The following RAPSN variants were observed in gnomAD, a reference collection of about 807,000 sequenced individuals.
The protein encoded by RAPSN is receptor associated protein of the synapse, also known as 43 kDa receptor-associated protein of the synapse.
A neutral mutation model predicts 45.7 loss-of-function variants in RAPSN; 33 were observed. The observed-to-expected ratio is 0.72, with a 90% CI of 0.55 to 0.97. The LOEUF is 0.97. RAPSN is among the 50% of genes least tolerant of loss of function. The pLI is 0.00. For missense variants in RAPSN, 519 were observed against 559.4 expected, an observed-to-expected ratio of 0.93 and a Z score of 0.73; for synonymous variants, 244 against 233.6, an observed-to-expected ratio of 1.04 and a Z score of -0.40.
At chr11:47,438,600 G>T in intron 7 of RAPSN, 132 bp downstream of exon 7, 1 of 1,121,500 alleles carries the variant, frequency 8.9e-7, no homozygotes, top group Admixed American at 2.3e-5. Context: ...TTGCGAGACA[G>T]ACGTGAGGCA....
At chr11:47,438,540 C>T in intron 7 of RAPSN, 192 bp downstream of exon 7, 1 of 641,278 alleles carries the variant, frequency 1.6e-6, no homozygotes, top group Non-Finnish European at 2.7e-6. Context: ...CCAAGATGAT[C>T]TTGAACCCCG....
intron 6 of RAPSN, among the ~76,000 whole-genome samples, chr11:47,440,957 C>T (rs1555142498): frequency 6.6e-6 from 1 of 152,154 alleles, no homozygotes; most frequent in Non-Finnish European, 1.5e-5. Flanking sequence ...CTGCTATCCT[C>T]CAAGCTATGA....
intron 2 of RAPSN, among the ~76,000 whole-genome samples, chr11:47,445,412 T>G (rs956453883): frequency 3.3e-5 from 5 of 151,108 alleles, no homozygotes; most frequent in African/African-American, 1.2e-4. Flanking sequence ...CTGGCCAACA[T>G]GGTGAAACCC....
intron 6 of RAPSN, 23 bp from the exon 7 acceptor site, chr11:47,438,954 G>A (rs2076339061): frequency 6.5e-7 from 1 of 1,549,946 alleles, no homozygotes. Context: ...GGAGTGGAGA[G>A]CGCCAGTGGG....
Position 47,447,937 on chromosome 11 carries a change from G to A in RAPSN, c.406C>T (p.Leu136Phe). The A allele has an allele frequency of 6.2e-7, 1 of 1,613,620 alleles. No individual in the cohort carries two copies. Among genetic ancestry groups the A allele is most frequent in the Non-Finnish European group, 8.5e-7 (1 of 1,179,930 alleles). The change falls in exon 2 of 8, where the codon CTC (leucine) becomes TTC (phenylalanine). Residue 136 changes from leucine to phenylalanine, a missense_variant. By Grantham distance (22) the Leu-to-Phe change is conservative (BLOSUM62 0). Coordinates refer to ENST00000298854, the MANE Select transcript of RAPSN (RefSeq NM_005055.5). The part of the protein sequence containing the change: ...SLSMGNAFLG[L>F]SVFQKALESF... ...TCCAGGGCCTTCTGGAAGACGCTGA[G>A]GCCCAGGAAGGCATTGCCCATGCTC...
chr11:47,442,070 T>A, intron 3 of RAPSN, 149 bp from the exon 4 acceptor site: 1 of 844,210 alleles, frequency 1.2e-6, no homozygotes, highest in Non-Finnish European at 1.9e-6. Flanking sequence ...GCTCACACAC[T>A]GAACCACTGA....
rs756980482 is a variant in RAPSN at position 47,441,599 on chromosome 11, G to A, written c.912+12C>T. 1 of 1,603,746 alleles carries A rather than the reference G, an allele frequency of 6.2e-7. No homozygotes were observed. The highest frequency in any genetic ancestry group is 8.5e-7 in the Non-Finnish European group (1 of 1,179,578). On this transcript the variant is annotated intron_variant, in intron 5 of 7. Transcript: ENST00000298854. ...GGGAGGGCTGGAGGCTGTGGGAAAG[G>A]CCCGACCTCACCTTGTCCAGCGCCT...
chr11:47,445,955 G>A (rs1275263544), intron 2 of RAPSN, among the ~76,000 whole-genome samples: 1 of 151,430 alleles, frequency 6.6e-6, no homozygotes, highest in Non-Finnish European at 1.5e-5. Context: ...CTCACACAGG[G>A]TCTTGCTCTG....
Position 47,437,811 on chromosome 11 carries a change from G to T in RAPSN, c.*164C>A. 1.2e-6 allele frequency: 1 copy of T among 812,718 alleles called. No individual in the cohort carries two copies. Among genetic ancestry groups the T allele is most frequent in the Non-Finnish European group, 2.1e-6 (1 of 486,258 alleles). The allele number at this position is 812,718 out of a possible 1,614,324, so 50.3% of individuals were successfully genotyped here. On this transcript the variant is annotated 3_prime_UTR_variant, in exon 8 of 8. Coordinates refer to ENST00000298854, the MANE Select transcript of RAPSN (RefSeq NM_005055.5). ...TCTATAAAGAGCAAAGTACAAAGAGGCAGGGAGGGGAGCTGGGCCCAGGGG... is the reference window on the plus strand; with the variant it reads ...TCTATAAAGAGCAAAGTACAAAGAGTCAGGGAGGGGAGCTGGGCCCAGGGG...
intron 2 of RAPSN, among the ~76,000 whole-genome samples, chr11:47,445,368 G>A (rs926229044): frequency 4.0e-5 from 6 of 151,624 alleles, no homozygotes; most frequent in Non-Finnish European, 8.8e-5. Context: ...AGGCTGAAGC[G>A]GGTGGATCAC....
In RAPSN at chr11:47,449,096, G is replaced by A. The variant is rs533262771; in HGVS notation, c.-132C>T. ...ACAAAAGCAGCGTCGGGTGGGAGCC[G>A]GAATGGGGCCTGGATGGAGAGCAGG... On this transcript the variant is annotated 5_prime_UTR_variant, in exon 1 of 8. Coordinates refer to ENST00000298854, the MANE Select transcript of RAPSN (RefSeq NM_005055.5). The A allele has an allele frequency of 1.7e-5, 19 of 1,103,586 alleles. No homozygotes were observed. The highest frequency in any genetic ancestry group is 9.2e-5 in the African/African-American group (6 of 65,034). 68.4% of individuals were successfully genotyped at this position (1,103,586 alleles called of 1,614,324 possible). A position where few individuals can be genotyped will look rare whatever the true frequency, so the allele number is the denominator to read the frequency against.
rs774372753 is a variant in RAPSN at position 47,438,718 on chromosome 11, C to T, written c.1166+14G>A. The T allele has an allele frequency of 5.1e-6, 8 of 1,555,390 alleles. No individual in the cohort carries two copies. The highest frequency in any genetic ancestry group is 1.9e-5 in the Admixed American group (1 of 52,108). ...ATCCTGCCCACCCCTGTCCACCCCC[C>T]CAGGAGCCCCCACCTGAGGTGGAAG... On this transcript the variant is annotated intron_variant, in intron 7 of 7. Coordinates refer to ENST00000298854, the MANE Select transcript of RAPSN (RefSeq NM_005055.5).
rs542906869 is a variant in RAPSN, at chr11:47,444,143, C to G, written c.532-1329G>C. 8.4e-4 allele frequency among the ~76,000 whole-genome samples: 127 copies of G among 152,048 alleles called. 2 individuals are homozygous for G. The South Asian group carries it at 0.015, about 18-fold the overall frequency. Reference sequence around the variant, plus strand: ...CAAAAGAGAAGTGTCAATAACCCCCCCAAAAAACCCTTTTCCTAATATGCC... The same window carrying G: ...CAAAAGAGAAGTGTCAATAACCCCCGCAAAAAACCCTTTTCCTAATATGCC... On this transcript the variant is annotated intron_variant, in intron 2 of 7. Transcript: ENST00000298854.
Position 47,438,800 on chromosome 11 carries a change from G to T in RAPSN, c.1098C>A (p.Cys366Ter). 2 of 1,570,358 alleles carry T rather than the reference G, an allele frequency of 1.3e-6. No individual in the cohort carries two copies. The highest frequency in any genetic ancestry group is 1.7e-6 in the Non-Finnish European group (2 of 1,155,694). ...TGTTCTTCTCGCCTATGGACTCGCC[G>T]CACAGGCCGCAGTAGAGCTCCGTCT... ...VEETELYCGL[C>*]GESIGEKNSR... The change falls in exon 7 of 8, where the codon TGC (cysteine) becomes TGA (stop). Residue 366 changes from cysteine (C) to a stop codon, truncating the protein, a stop_gained. Transcript: ENST00000298854. LOFTEE classifies it high-confidence loss of function.
Position 47,448,016 on chromosome 11 carries a change from G to T in RAPSN, c.327C>A (p.Cys109Ter), listed in dbSNP as rs769245608. Residue 109 changes from cysteine to a stop codon, truncating the protein, a stop_gained, in exon 2 of 8, where the codon TGC becomes TGA. Coordinates refer to ENST00000298854, the MANE Select transcript of RAPSN (RefSeq NM_005055.5). LOFTEE classifies it high-confidence loss of function. ...FHKTISYCKT[C>*]LGLPGTRAGA... ...CTGCCCTGGTACCAGGCAGCCCAAG[G>T]CAGGTCTTGCAGTAGGAGATGGTCT... The T allele has an allele frequency of 6.2e-7, 1 of 1,614,056 alleles. No individual in the cohort carries two copies. Among genetic ancestry groups the T allele is most frequent in the Non-Finnish European group, 8.5e-7 (1 of 1,180,010 alleles).
chr11:47,441,209 G>C lies in RAPSN; in HGVS notation c.916C>G (p.Leu306Val). 6.2e-7 allele frequency: 1 copy of C among 1,613,880 alleles called. No individual in the cohort carries two copies. The highest frequency in any genetic ancestry group is 8.5e-7 in the Non-Finnish European group (1 of 1,180,018). Reference sequence around the variant, plus strand: ...TCCTGGGCTCTCTCGATGGCATCCAGAGCCTGGAAGGTGAGCATAGGCCAG... The same window carrying C: ...TCCTGGGCTCTCTCGATGGCATCCACAGCCTGGAAGGTGAGCATAGGCCAG... ...WVARKALDKA[L>V]DAIERAQDLA... Residue 306 changes from leucine (L) to valine (V), a missense_variant, in exon 6 of 8, where the codon CTG (leucine) becomes GTG (valine). Coordinates refer to ENST00000298854, the MANE Select transcript of RAPSN (RefSeq NM_005055.5).
rs1029760444 is a variant in RAPSN at position 47,448,762 on chromosome 11, G to T, written c.192+11C>A. The T allele has an allele frequency of 6.2e-7, 1 of 1,607,270 alleles. No homozygotes were observed. Among genetic ancestry groups the T allele is most frequent in the Non-Finnish European group, 8.5e-7 (1 of 1,179,930 alleles). The stretch of plus-strand genomic sequence containing the variant: ...CTGACCCTCGAACGCCCCCAGGCCG[G>T]GTACACCCACCTTCAGCATCTCCTT... On this transcript the variant is annotated intron_variant, in intron 1 of 7. Coordinates refer to ENST00000298854, the MANE Select transcript of RAPSN (RefSeq NM_005055.5).
intron 2 of RAPSN, among the ~76,000 whole-genome samples, chr11:47,446,374 C>T (rs940721920): frequency 6.6e-6 from 1 of 151,854 alleles, no homozygotes; most frequent in Non-Finnish European, 1.5e-5. Context: ...TTTTTAAAAA[C>T]CCCTGTCCTG....
In RAPSN at chr11:47,438,032, G is replaced by A. The variant is rs530896580; in HGVS notation, c.1182C>T (p.Asn394=). 35 of 1,549,956 alleles carry A rather than the reference G, an allele frequency of 2.3e-5. No individual in the cohort carries two copies. The East Asian group carries it at 6.4e-4, about 28-fold the overall frequency. The change falls in exon 8 of 8, where the codon AAC becomes AAT. Residue 394 remains asparagine, a synonymous_variant. Coordinates refer to ENST00000298854, the MANE Select transcript of RAPSN (RefSeq NM_005055.5). ...HIFHLRCLQN[N]GTRSCPNCRR... is the part of the protein sequence containing the mutation. ...GGCAGTTGGGACAGCTCCGGGTCCC[G>A]TTGTTCTGCAGGCACCTGGGGAGGC...
Sources: allele counts gnomAD v4.1 joint callset (sites outside exome capture counted in the v4.1 genomes callset), GRCh38; gene constraint gnomAD v4.1.1; transcripts MANE v1.5; gene names NCBI Gene and HGNC (gene_info 2026-07-23, HGNC 2026-07-21).